The following CLSTN2 variants were observed in gnomAD, a reference collection of about 807,000 sequenced individuals.
CLSTN2 encodes calsyntenin-2.
Under a neutral mutation model 101.2 loss-of-function variants are expected in CLSTN2, and 48 were observed. The ratio of observed to expected loss-of-function variants is 0.47; its 90% CI spans 0.38 to 0.60. The LOEUF is 0.60. CLSTN2 is among the 20% of genes least tolerant of loss of function. The pLI is 0.00. For synonymous variants in CLSTN2, 481 were observed against 463.6 expected, an observed-to-expected ratio of 1.04 and a Z score of -0.48; for missense variants, 1,160 against 1,238.2, an observed-to-expected ratio of 0.94 and a Z score of 0.95.
At chr3:140,062,164 G>A (rs570518033) in intron 1 of CLSTN2, among the ~76,000 whole-genome samples, 8 of 152,154 alleles carry the variant, frequency 5.3e-5, no homozygotes, top group African/African-American at 1.9e-4. Context: ...GTAGAGCCCC[G>A]GGTACTCAGT....
At chr3:139,976,266 C>A (rs1935816114) in intron 1 of CLSTN2, among the ~76,000 whole-genome samples, 1 of 152,194 alleles carries the variant, frequency 6.6e-6, no homozygotes, top group Non-Finnish European at 1.5e-5. Flanking sequence ...TGATCCCTTT[C>A]TCTGGGTCCA....
intron 1 of CLSTN2, among the ~76,000 whole-genome samples, chr3:139,996,667 G>T (rs2107745471): frequency 6.6e-6 from 1 of 152,236 alleles, no homozygotes; most frequent in Non-Finnish European, 1.5e-5. Context: ...AATTCTCATG[G>T]TCTTTATTTT....
chr3:140,380,358 G>C (rs905874923), intron 2 of CLSTN2, among the ~76,000 whole-genome samples: 8 of 152,184 alleles, frequency 5.3e-5, no homozygotes, highest in African/African-American at 1.4e-4. Context: ...CCTCGTGTGT[G>C]ATCTAAGACT....
In CLSTN2 at chr3:140,576,206, G is replaced by C. The variant is rs759762717; in HGVS notation, c.*9953G>C. On this transcript the variant is annotated 3_prime_UTR_variant, in exon 17 of 17. Coordinates refer to ENST00000458420, the MANE Select transcript of CLSTN2 (RefSeq NM_022131.3). ...CAGCCAGCCGCAGACACAAGGTCTGGCTCCCTTGTCGTGAGAGTGAAGGCA... is the reference window on the plus strand; with the variant it reads ...CAGCCAGCCGCAGACACAAGGTCTGCCTCCCTTGTCGTGAGAGTGAAGGCA... 1.3e-5 allele frequency: 2 copies of C among 152,168 alleles called. No individual in the cohort carries two copies. The highest frequency in any genetic ancestry group is 2.9e-5 in the Non-Finnish European group (2 of 68,046). 9.4% of individuals were successfully genotyped at this position (152,168 alleles called of 1,614,324 possible).
At chr3:140,529,207 C>T (rs963749629) in intron 8 of CLSTN2, among the ~76,000 whole-genome samples, 3 of 152,204 alleles carry the variant, frequency 2.0e-5, no homozygotes, top group Non-Finnish European at 4.4e-5. Flanking sequence ...CCTCCTTTGG[C>T]GTTGTCCCTG....
At chr3:139,968,893 CTT>C (rs1358044373) in intron 1 of CLSTN2, among the ~76,000 whole-genome samples, 4 of 152,104 alleles carry the variant, frequency 2.6e-5, no homozygotes. Context: ...GACATAAACT[CTT>C]TTTATTTGTT....
At chr3:140,378,269 C>T (rs1347443266) in intron 2 of CLSTN2, among the ~76,000 whole-genome samples, 4 of 152,340 alleles carry the variant, frequency 2.6e-5, no homozygotes, top group African/African-American at 9.6e-5. Context: ...TGACCGGATA[C>T]TTCATTTAGC....
intron 8 of CLSTN2, among the ~76,000 whole-genome samples, chr3:140,527,620 A>G (rs994434059): frequency 6.6e-6 from 1 of 152,228 alleles, no homozygotes; most frequent in East Asian, 1.9e-4. Context: ...ATGCATTTGT[A>G]TGTTCATCGC....
intron 10 of CLSTN2, among the ~76,000 whole-genome samples, chr3:140,553,784 T>A (rs1935750800): frequency 6.6e-6 from 1 of 152,162 alleles, no homozygotes; most frequent in Non-Finnish European, 1.5e-5. Context: ...CCAGAGGTAG[T>A]CATGTGACTC....
At chr3:140,319,553 C>T (rs1300687895) in intron 2 of CLSTN2, among the ~76,000 whole-genome samples, 1 of 152,134 alleles carries the variant, frequency 6.6e-6, no homozygotes, top group Admixed American at 6.5e-5. Context: ...ATCAGGCTGC[C>T]CCTGTAGGGT....
intron 1 of CLSTN2, among the ~76,000 whole-genome samples, chr3:140,134,514 A>G (rs2009570344): frequency 6.6e-6 from 1 of 152,200 alleles, no homozygotes; most frequent in African/African-American, 2.4e-5. Context: ...GAACTAAATT[A>G]AGATGTTACC....
At chr3:140,158,643 A>C (rs1266393509) in intron 1 of CLSTN2, among the ~76,000 whole-genome samples, 1 of 152,148 alleles carries the variant, frequency 6.6e-6, no homozygotes, top group African/African-American at 2.4e-5. Context: ...ACACTATATC[A>C]AACTACCAAT....
intron 2 of CLSTN2, among the ~76,000 whole-genome samples, chr3:140,338,932 A>G (rs966192826): frequency 1.3e-5 from 2 of 152,200 alleles, no homozygotes; most frequent in Non-Finnish European, 2.9e-5. Context: ...CTGTTATCTA[A>G]TGAGCTGGGG....
At chr3:140,211,578 G>A (rs1415354503) in intron 2 of CLSTN2, among the ~76,000 whole-genome samples, 1 of 149,676 alleles carries the variant, frequency 6.7e-6, no homozygotes, top group Admixed American at 6.7e-5. Flanking sequence ...GTATATATAT[G>A]AATATATTTG....
At chr3:140,076,840 A>G (rs1220116431) in intron 1 of CLSTN2, among the ~76,000 whole-genome samples, 1 of 151,994 alleles carries the variant, frequency 6.6e-6, no homozygotes, top group Admixed American at 6.6e-5. Flanking sequence ...CAAGGATGCC[A>G]TGAAGGGTGA....
At chr3:140,508,531 T>A (rs1221214655) in intron 8 of CLSTN2, 2 of 152,202 alleles carry the variant, frequency 1.3e-5, no homozygotes, top group African/African-American at 4.8e-5. Flanking sequence ...CTCACCCCCA[T>A]CCTAAAATGA....
intron 9 of CLSTN2, among the ~76,000 whole-genome samples, chr3:140,537,113 C>G (rs1028356633): frequency 6.6e-6 from 1 of 152,186 alleles, no homozygotes; most frequent in Non-Finnish European, 1.5e-5. Flanking sequence ...CCTTTAATTG[C>G]CTTTGGGCTT....
At chr3:140,059,829 G>A (rs569590385) in intron 1 of CLSTN2, among the ~76,000 whole-genome samples, 1 of 151,904 alleles carries the variant, frequency 6.6e-6, no homozygotes, top group Non-Finnish European at 1.5e-5. Flanking sequence ...AAATGTCCAG[G>A]GAAAATATTT....
At chr3:140,214,923 C>A (rs958197210) in intron 2 of CLSTN2, among the ~76,000 whole-genome samples, 3 of 152,164 alleles carry the variant, frequency 2.0e-5, no homozygotes, top group Admixed American at 6.5e-5. Context: ...ATTATATGCA[C>A]GTTAATCATA....
Sources: gnomAD v4.1 joint callset for allele counts (sites outside exome capture counted in the v4.1 genomes callset) on GRCh38, gnomAD v4.1.1 for gene constraint, MANE v1.5 for transcripts, NCBI Gene and HGNC (gene_info 2026-07-23, HGNC 2026-07-21) for gene names.